The following FHL2 variants were observed in gnomAD, a reference collection of about 807,000 sequenced individuals.
FHL2 encodes four and a half LIM domains 2.
Under a neutral mutation model 32.7 loss-of-function variants are expected in FHL2, and 20 were observed. The ratio of observed to expected loss-of-function variants is 0.61; its 90% CI spans 0.43 to 0.89. The LOEUF (loss-of-function observed/expected upper bound fraction) is 0.89. Ranked by LOEUF, FHL2 falls within the 40% of genes least tolerant of loss-of-function variation. The pLI is 0.00. For synonymous variants in FHL2, 123 were observed against 128.1 expected, an observed-to-expected ratio of 0.96 and a Z score of 0.27; for missense variants, 311 against 358.6, an observed-to-expected ratio of 0.87 and a Z score of 1.07.
At chr2:105,395,145 C>G (rs749069026) in intron 2 of FHL2, among the ~76,000 whole-genome samples, 7 of 152,228 alleles carry the variant, frequency 4.6e-5, no homozygotes, top group Non-Finnish European at 8.8e-5. Context: ...CAGTCTAGTT[C>G]TAGCTCCAAA....
intron 3 of FHL2, among the ~76,000 whole-genome samples, chr2:105,381,259 C>A (rs1226967940): frequency 6.6e-6 from 1 of 152,138 alleles, no homozygotes. Flanking sequence ...ACTGTACATT[C>A]TTTCAAATCC....
intron 2 of FHL2, among the ~76,000 whole-genome samples, chr2:105,390,750 T>C (rs1000673571): frequency 1.3e-5 from 2 of 152,074 alleles, no homozygotes; most frequent in Non-Finnish European, 2.9e-5. Flanking sequence ...TTACAACATG[T>C]TTAAAAGTAT....
intron 1 of FHL2, 31 bp from the exon 2 acceptor site, chr2:105,396,728 T>C (rs761981729): frequency 7.5e-6 from 12 of 1,609,448 alleles, no homozygotes; most frequent in African/African-American, 1.3e-5. Flanking sequence ...TTGTTTCAGA[T>C]GGTCATCTTG....
upstream of FHL2, among the ~76,000 whole-genome samples, chr2:105,403,542 G>C (rs190247910): frequency 3.9e-5 from 6 of 152,316 alleles, 1 homozygote; most frequent in African/African-American, 1.4e-4. Context: ...GCGGCTAGCA[G>C]GTCTCAAAGC....
At chr2:105,414,823 G>C (rs899059823) in intron 1 of FHL2, among the ~76,000 whole-genome samples, 1 of 152,196 alleles carries the variant, frequency 6.6e-6, no homozygotes, top group African/African-American at 2.4e-5. Flanking sequence ...AAAGTGCTAA[G>C]ATTACAAGTG....
rs140388577 is a variant in FHL2 at position 105,408,196 on chromosome 2, A to G, written c.-24-21656T>C. On this transcript the variant is annotated intron_variant, in intron 1 of 5. Transcript: ENST00000393352. ...TAGGCAGCCGGCAGAGATGGCCCACATATGACCACTGCCTTTCAACCCTAC... is the reference window on the plus strand; with the variant it reads ...TAGGCAGCCGGCAGAGATGGCCCACGTATGACCACTGCCTTTCAACCCTAC... Among the ~76,000 whole-genome samples, 963 of 152,314 alleles carry G rather than the reference A, an allele frequency of 6.3e-3. 12 individuals are homozygous for G. Among genetic ancestry groups the G allele is most frequent in the African/African-American group, 0.022 (906 of 41,558 alleles).
At chr2:105,410,655 C>T (rs1476895002) in intron 1 of FHL2, among the ~76,000 whole-genome samples, 1 of 152,136 alleles carries the variant, frequency 6.6e-6, no homozygotes, top group Non-Finnish European at 1.5e-5. Flanking sequence ...ATTGGTCTTT[C>T]TCAGACGAGA....
At chr2:105,404,528 T>C (rs1256777800) in intron 1 of FHL2, among the ~76,000 whole-genome samples, 1 of 152,166 alleles carries the variant, frequency 6.6e-6, no homozygotes, top group Non-Finnish European at 1.5e-5. Context: ...CAGGGAAGTC[T>C]ATGAAAGATG....
chr2:105,364,935 TC>T (rs1680524265), intron 5 of FHL2, among the ~76,000 whole-genome samples: 2 of 152,158 alleles, frequency 1.3e-5, no homozygotes, highest in South Asian at 4.1e-4. Context: ...TCATGAAGCA[TC>T]TTAGTATAAC....
chr2:105,402,225 G>A (rs1213922605), upstream of FHL2, among the ~76,000 whole-genome samples: 15 of 147,118 alleles, frequency 1.0e-4, no homozygotes, highest in Non-Finnish European at 2.2e-4. Context: ...ATATATGTGT[G>A]TATATATATA....
intron 3 of FHL2, among the ~76,000 whole-genome samples, chr2:105,385,727 C>T (rs530217555): frequency 2.0e-5 from 3 of 152,276 alleles, no homozygotes; most frequent in South Asian, 2.1e-4. Flanking sequence ...TGCTGAGAAG[C>T]GCAGGTCAGG....
chr2:105,408,013 G>A (rs1368115670), intron 1 of FHL2, among the ~76,000 whole-genome samples: 1 of 152,176 alleles, frequency 6.6e-6, no homozygotes, highest in East Asian at 1.9e-4. Flanking sequence ...AACATACAAA[G>A]TTAAACAAAA....
chr2:105,392,096 G>T (rs907188495), intron 2 of FHL2, among the ~76,000 whole-genome samples: 2 of 152,230 alleles, frequency 1.3e-5, no homozygotes, highest in South Asian at 4.1e-4. Flanking sequence ...GGTGAGGCAG[G>T]TGCCAGGTGC....
chr2:105,400,019 C>T (rs1445668978), upstream of FHL2, among the ~76,000 whole-genome samples: 2 of 152,200 alleles, frequency 1.3e-5, no homozygotes, highest in African/African-American at 2.4e-5. Context: ...TGGTAGGCCT[C>T]ATGGGTCTCC....
At chr2:105,415,027 ATATTAG>A (rs1683894959) in intron 1 of FHL2, among the ~76,000 whole-genome samples, 1 of 152,254 alleles carries the variant, frequency 6.6e-6, no homozygotes, top group Non-Finnish European at 1.5e-5. Flanking sequence ...CCTTAAAGTT[ATATTAG>A]TATATGTTTG....
At chr2:105,364,090 C>G (rs568839941) in intron 5 of FHL2, among the ~76,000 whole-genome samples, 2 of 152,182 alleles carry the variant, frequency 1.3e-5, no homozygotes, top group African/African-American at 4.8e-5. Context: ...AACCCCATCT[C>G]TACTAAAAAT....
intron 4 of FHL2, among the ~76,000 whole-genome samples, chr2:105,368,682 C>T (rs910729372): frequency 6.6e-6 from 1 of 152,212 alleles, no homozygotes; most frequent in African/African-American, 2.4e-5. Context: ...ACTGCAAGTG[C>T]TCGGTGTCTG....
At chr2:105,358,462 C>G (rs1057343850), downstream of FHL2, 1 of 152,482 alleles carries the variant, frequency 6.6e-6, no homozygotes, top group African/African-American at 2.4e-5. Flanking sequence ...TGGGGCAAAG[C>G]CCTAGACTGG....
At chr2:105,425,591 C>T (rs374616179) in intron 1 of FHL2, among the ~76,000 whole-genome samples, 2 of 151,794 alleles carry the variant, frequency 1.3e-5, no homozygotes, top group Admixed American at 6.6e-5. Context: ...GTGTAAAACC[C>T]GATTGTACAT....
Sources: allele counts gnomAD v4.1 joint callset (sites outside exome capture counted in the v4.1 genomes callset), GRCh38; gene constraint gnomAD v4.1.1; transcripts MANE v1.5; gene names NCBI Gene and HGNC (gene_info 2026-07-23, HGNC 2026-07-21).